The following MAPKBP1 variants were observed in gnomAD, a reference collection of about 807,000 sequenced individuals.
The protein encoded by MAPKBP1 is mitogen-activated protein kinase-binding protein 1.
MAPKBP1 carries 71 observed loss-of-function variants against 170.5 expected under a neutral mutation model. The observed-to-expected ratio is 0.42, with a 90% CI of 0.34 to 0.51. The LOEUF (loss-of-function observed/expected upper bound fraction) is 0.51. Among genes scored for constraint, MAPKBP1 ranks in the 20% least tolerant of loss-of-function variants. The probability of loss-of-function intolerance (pLI) is 0.06; values close to 1 mark genes in which losing one functional copy is unlikely to be tolerated. For missense variants in MAPKBP1, 1,598 were observed against 1,933.0 expected, an observed-to-expected ratio of 0.83 and a Z score of 3.25; for synonymous variants, 719 against 757.9, an observed-to-expected ratio of 0.95 and a Z score of 0.84.
chr15:41,774,524 C>T lies in MAPKBP1; in HGVS notation c.-196C>T. On this transcript the variant is annotated 5_prime_UTR_variant, in exon 1 of 31. Transcript: ENST00000457542. ...CCATAGCTCCTGCTGCTGCCTCTAC[C>T]GCTGCGGCTACCGCGGCGGAGCTGA... 1 of 398,632 alleles carries T rather than the reference C, an allele frequency of 2.5e-6. No homozygotes were observed. Among genetic ancestry groups the T allele is most frequent in the Non-Finnish European group, 4.4e-6 (1 of 226,058 alleles). 24.7% of individuals were successfully genotyped at this position (398,632 alleles called of 1,614,324 possible). A position where few individuals can be genotyped will look rare whatever the true frequency, so the allele number is the denominator to read the frequency against.
At chr15:41,816,134 A>G (rs1370435811) in intron 12 of MAPKBP1, 2 of 356,390 alleles carry the variant, frequency 5.6e-6, no homozygotes, top group Admixed American at 8.7e-5. Flanking sequence ...ACCACAGAGT[A>G]ACTGATCAAT....
intron 2 of MAPKBP1, among the ~76,000 whole-genome samples, chr15:41,788,725 A>G (rs1371562864): frequency 6.6e-6 from 1 of 152,226 alleles, no homozygotes; most frequent in Non-Finnish European, 1.5e-5. Context: ...AGGAAATAGA[A>G]TTATGAGAAG....
rs186344532 is a variant in MAPKBP1, at chr15:41,778,827, G to A, written c.114+3438G>A. On this transcript the variant is annotated intron_variant, in intron 2 of 30. Coordinates refer to ENST00000457542, the MANE Select transcript of MAPKBP1 (RefSeq NM_014994.3). ...ATAGAAATGGACCAAAGCCCAGCAG[G>A]CAAGATTTAAGTTAGGGTTACAAAA... 3.4e-3 allele frequency among the ~76,000 whole-genome samples: 513 copies of A among 152,304 alleles called. 3 individuals are homozygous for A. The highest frequency in any genetic ancestry group is 4.9e-3 in the Non-Finnish European group (333 of 68,024).
chr15:41,775,115 G>C lies in MAPKBP1; in HGVS notation c.-109-52G>C, dbSNP rs937009281. 4.9e-6 allele frequency: 3 copies of C among 615,796 alleles called. No homozygotes were observed. In the African/African-American group the frequency reaches 5.6e-5, roughly 11 times the overall value. 38.1% of individuals were successfully genotyped at this position (615,796 alleles called of 1,614,324 possible). The stretch of plus-strand genomic sequence containing the variant: ...CCCAGAGGTAAAAGCTGCAGACTTC[G>C]CTAGGCAGAAGGTAAGACACTGTGA... On this transcript the variant is annotated intron_variant, in intron 1 of 30. Coordinates refer to ENST00000457542, the MANE Select transcript of MAPKBP1 (RefSeq NM_014994.3).
chr15:41,819,555 G>GGGGGA, intron 21 of MAPKBP1, 40 bp from the exon 22 acceptor site: 11 of 1,481,940 alleles, frequency 7.4e-6, no homozygotes, highest in Non-Finnish European at 6.5e-6. Flanking sequence ...GGCGGGGGGG[G>GGGGGA]GGCAGGAGAC....
intron 22 of MAPKBP1, among the ~76,000 whole-genome samples, chr15:41,820,332 G>C (rs2152083277): frequency 6.6e-6 from 1 of 152,262 alleles, no homozygotes; most frequent in East Asian, 1.9e-4. Context: ...GGACTTTGGG[G>C]CCCCCAGCTA....
intron 2 of MAPKBP1, among the ~76,000 whole-genome samples, chr15:41,794,935 C>G (rs961069983): frequency 6.6e-6 from 1 of 151,982 alleles, no homozygotes; most frequent in Non-Finnish European, 1.5e-5. Context: ...GAGGCCGAGG[C>G]GGGCAGATCA....
chr15:41,822,546 A>G (rs1249286549), intron 26 of MAPKBP1, 47 bp from the exon 27 acceptor site: 2 of 1,610,320 alleles, frequency 1.2e-6, no homozygotes, highest in South Asian at 2.2e-5. Context: ...AATCTGGGGC[A>G]AGGGCTTGGT....
intron 2 of MAPKBP1, among the ~76,000 whole-genome samples, chr15:41,783,890 C>T (rs1488001568): frequency 2.6e-5 from 4 of 152,132 alleles, no homozygotes; most frequent in Non-Finnish European, 4.4e-5. Context: ...GTGCCTGTAG[C>T]CCCAGCTACT....
At chr15:41,774,796 G>T (rs947087264) in intron 1 of MAPKBP1, 186 bp downstream of exon 1, 10 of 399,442 alleles carry the variant, frequency 2.5e-5, no homozygotes, top group Non-Finnish European at 4.4e-5. Context: ...CCCCGCCGGC[G>T]CTAGCGCAGG....
At position 41,824,576 on chromosome 15, in the gene MAPKBP1, GT is replaced by G; in HGVS notation, c.4299+9del. On this transcript the variant is annotated splice_region_variant and intron_variant, in intron 30 of 30. Coordinates refer to ENST00000457542, the MANE Select transcript of MAPKBP1 (RefSeq NM_014994.3). The stretch of plus-strand genomic sequence containing the variant: ...AGTGCGGCTCTACCACTCGGTGGGT[GT>G]TAGGTGCCCCCCGGCAGGAAGGCGG... The G allele has an allele frequency of 6.3e-7, 1 of 1,586,986 alleles. No individual in the cohort carries two copies. The highest frequency in any genetic ancestry group is 8.6e-7 in the Non-Finnish European group (1 of 1,168,906).
intron 5 of MAPKBP1, 124 bp from the exon 6 acceptor site, chr15:41,811,833 T>G: frequency 1.1e-6 from 1 of 933,612 alleles, no homozygotes; most frequent in Non-Finnish European, 1.7e-6. Flanking sequence ...TGCCCTGACT[T>G]TTGGCTGGGG....
intron 2 of MAPKBP1, among the ~76,000 whole-genome samples, chr15:41,784,246 T>C (rs1185610454): frequency 2.0e-5 from 3 of 152,194 alleles, no homozygotes; most frequent in African/African-American, 7.2e-5. Flanking sequence ...ATGTTCTTTC[T>C]CCAGGCTGCT....
intron 3 of MAPKBP1, among the ~76,000 whole-genome samples, chr15:41,805,548 G>T (rs564225030): frequency 1.5e-4 from 23 of 152,348 alleles, no homozygotes; most frequent in African/African-American, 5.5e-4. Flanking sequence ...GTGACGGGGT[G>T]TATCTGGCAG....
chr15:41,819,281 C>G lies in MAPKBP1; in HGVS notation c.2327C>G (p.Ala776Gly), dbSNP rs2064945641. The G allele has an allele frequency of 6.2e-7, 1 of 1,614,078 alleles. No homozygotes were observed. The highest frequency in any genetic ancestry group is 1.1e-5 in the South Asian group (1 of 91,080). ...QAPSMLSPGPALSSDSDKEGE... is the reference protein window; with the variant it reads ...QAPSMLSPGPGLSSDSDKEGE... ...CCATCAATGCTGTCTCCTGGACCGG[C>G]TCTCTCATCAGACAGTGACAAGGAG... The change falls in exon 21 of 31, where the codon GCT becomes GGT. Residue 776 changes from alanine to glycine, a missense_variant. Physicochemically the swap from Ala to Gly is moderately conservative, Grantham distance 60 (BLOSUM62 0). Transcript: ENST00000457542.
intron 11 of MAPKBP1, 57 bp from the exon 12 acceptor site, chr15:41,815,567 C>G: frequency 6.4e-7 from 1 of 1,572,270 alleles, no homozygotes; most frequent in Non-Finnish European, 8.7e-7. Flanking sequence ...TTTCTTGCCC[C>G]TTGCAGCTGT....
chr15:41,811,972 G>A lies in MAPKBP1; in HGVS notation c.343G>A (p.Ala115Thr), dbSNP rs1567148070. Residue 115 changes from alanine (A) to threonine (T), a missense_variant, in exon 6 of 31, where the codon GCC becomes ACC. Physicochemically the swap from Ala to Thr is moderately conservative, Grantham distance 58. Coordinates refer to ENST00000457542, the MANE Select transcript of MAPKBP1 (RefSeq NM_014994.3). ...CTCCCTGCAGAGTGGGCACATGCCT[G>A]CCGTGCGGGTTTGGGACGTGGCAGA... ...LVTGESGHMP[A>T]VRVWDVAEHS... The A allele has an allele frequency of 6.2e-7, 1 of 1,614,166 alleles. No individual in the cohort carries two copies. The highest frequency in any genetic ancestry group is 1.7e-5 in the Admixed American group (1 of 60,016).
chr15:41,787,326 G>A (rs1056802957), intron 2 of MAPKBP1, among the ~76,000 whole-genome samples: 1 of 149,896 alleles, frequency 6.7e-6, no homozygotes, highest in African/African-American at 2.5e-5. Context: ...GGCATTTAAA[G>A]CTCTTTTTGA....
In MAPKBP1 at chr15:41,822,291, G is replaced by A; in HGVS notation, c.3098G>A (p.Gly1033Asp). 1 of 1,614,092 alleles carries A rather than the reference G, an allele frequency of 6.2e-7. No individual in the cohort carries two copies. Among genetic ancestry groups the A allele is most frequent in the Non-Finnish European group, 8.5e-7 (1 of 1,180,016 alleles). ...TCAGACCTTGAAGAGCCAGCTGAGG[G>A]TGATGAAGAAGAGGAAGAAGAGGAG... is the stretch of plus-strand genomic sequence containing the variant. The part of the protein sequence containing the change: ...ISSDLEEPAE[G>D]DEEEEEEEGG... Residue 1033 changes from glycine to aspartate, a missense_variant, in exon 26 of 31, where the codon GGT (glycine) becomes GAT (aspartate). Physicochemically the swap from Gly to Asp is moderately conservative, Grantham distance 94. Coordinates refer to ENST00000457542, the MANE Select transcript of MAPKBP1 (RefSeq NM_014994.3).
Sources: gnomAD v4.1 joint callset for allele counts (sites outside exome capture counted in the v4.1 genomes callset) on GRCh38, gnomAD v4.1.1 for gene constraint, MANE v1.5 for transcripts, NCBI Gene and HGNC (gene_info 2026-07-23, HGNC 2026-07-21) for gene names.